Variants in WNK2 observed in about 807,000 individuals in gnomAD.
WNK2 encodes WNK lysine deficient protein kinase 2.
Under a neutral mutation model 192.1 loss-of-function variants are expected in WNK2, and 67 were observed. The observed-to-expected ratio is 0.35, with a 90% CI of 0.29 to 0.43. WNK2 has a LOEUF of 0.43. Among genes scored for constraint, WNK2 ranks in the 20% least tolerant of loss-of-function variants. The pLI is 1.00. For synonymous variants in WNK2, 1,439 were observed against 1,393.9 expected (o/e 1.03, Z -0.72); for missense variants, 2,698 against 3,089.7 (o/e 0.87, Z 3.01).
intron 2 of WNK2, among the ~76,000 whole-genome samples, chr9:93,193,684 G>A: frequency 6.6e-6 from 1 of 152,226 alleles, no homozygotes. Flanking sequence ...AGGACTGAGT[G>A]GGGACGCTGG....
chr9:93,254,370 C>T (rs564541083), intron 9 of WNK2, among the ~76,000 whole-genome samples: 4 of 152,346 alleles, frequency 2.6e-5, no homozygotes, highest in Non-Finnish European at 5.9e-5. Flanking sequence ...TGCTGGTTGT[C>T]ACTCGCACAC....
intron 29 of WNK2, chr9:93,318,722 G>A (rs1164008988): frequency 1.4e-6 from 2 of 1,444,556 alleles, no homozygotes; most frequent in Middle Eastern, 2.6e-4. Flanking sequence ...CTGGCATGCA[G>A]ACCGCTCTCC....
At chr9:93,240,012 G>A in intron 7 of WNK2, 36 bp downstream of exon 7, 2 of 1,583,348 alleles carry the variant, frequency 1.3e-6, no homozygotes, top group Non-Finnish European at 1.7e-6. Flanking sequence ...GTGGGTGCAG[G>A]TGTTGGCAGC....
chr9:93,317,196 G>A (rs1854843594), intron 28 of WNK2: 1 of 457,404 alleles, frequency 2.2e-6, no homozygotes, highest in Admixed American at 3.7e-5. Flanking sequence ...TGGTGGCTGA[G>A]TAGAGGCATG....
intron 2 of WNK2, among the ~76,000 whole-genome samples, chr9:93,199,201 C>T (rs992314050): frequency 1.5e-4 from 23 of 152,160 alleles, no homozygotes; most frequent in African/African-American, 1.9e-4. Flanking sequence ...GGAAGATGAC[C>T]GATGCCTGGG....
intron 12 of WNK2, among the ~76,000 whole-genome samples, chr9:93,260,925 A>G (rs558857908): frequency 1.6e-4 from 24 of 152,316 alleles, no homozygotes; most frequent in Admixed American, 5.9e-4. Context: ...TTCTGGGCAC[A>G]GTTAGTGGCT....
At chr9:93,185,889 C>T (rs1829220578) in intron 2 of WNK2, among the ~76,000 whole-genome samples, 1 of 152,188 alleles carries the variant, frequency 6.6e-6, no homozygotes, top group African/African-American at 2.4e-5. Flanking sequence ...ACGCTGTGGG[C>T]GTAGAGAGGG....
intron 28 of WNK2, among the ~76,000 whole-genome samples, chr9:93,312,603 C>T (rs1214454041): frequency 6.6e-6 from 1 of 152,240 alleles, no homozygotes; most frequent in Middle Eastern, 3.4e-3. Flanking sequence ...TGGTCTCGAT[C>T]CCTTGACCTC....
chr9:93,256,383 GC>G lies in WNK2; in HGVS notation c.2124del (p.Val709CysfsTer67). On this transcript the variant is annotated frameshift_variant, in exon 10 of 30. Coordinates refer to ENST00000427277, the MANE Select transcript of WNK2 (RefSeq NM_006648.4). LOFTEE classifies it high-confidence loss of function. ...QHFPDPAMSF[A>X]PVLPPPSTPM... ...CTTCCCGGATCCGGCCATGAGCTTC[GC>G]CCCCGTGCTGCCGCCGCCCAGCACC... 4 of 1,564,238 alleles carry G rather than the reference GC, an allele frequency of 2.6e-6. No individual in the cohort carries two copies. Among genetic ancestry groups the G allele is most frequent in the Non-Finnish European group, 8.6e-7 (1 of 1,161,100 alleles).
chr9:93,215,960 C>T (rs1305424106), intron 2 of WNK2, among the ~76,000 whole-genome samples: 1 of 152,120 alleles, frequency 6.6e-6, no homozygotes, highest in South Asian at 2.1e-4. Context: ...TAGAGATTTA[C>T]TTTTTACCGC....
chr9:93,186,011 T>C (rs921365357), intron 2 of WNK2, among the ~76,000 whole-genome samples: 1 of 152,054 alleles, frequency 6.6e-6, no homozygotes, highest in African/African-American at 2.4e-5. Context: ...TGCAAAACAG[T>C]GTGGAGGCTT....
chr9:93,317,454 C>A, intron 28 of WNK2, 66 bp from the exon 29 acceptor site: 1 of 1,523,584 alleles, frequency 6.6e-7, no homozygotes, highest in Non-Finnish European at 9.0e-7. Context: ...ACCCTGGGGG[C>A]CACTAAGGGA....
At chr9:93,249,808 C>T (rs114328639) in intron 8 of WNK2, among the ~76,000 whole-genome samples, 2,845 of 149,126 alleles carry the variant, frequency 0.019, 87 homozygotes, top group African/African-American at 0.067. Context: ...ATTGCGGTTT[C>T]TTTAAAGTAG....
Position 93,263,964 on chromosome 9 carries a change from C to T in WNK2, c.3627C>T (p.His1209=), listed in dbSNP as rs970230525. 6.2e-7 allele frequency: 1 copy of T among 1,613,516 alleles called. No individual in the cohort carries two copies. The highest frequency in any genetic ancestry group is 2.2e-5 in the East Asian group (1 of 44,858). The change falls in exon 16 of 30, where the codon CAC becomes CAT. Residue 1209 remains histidine, a synonymous_variant. Transcript: ENST00000427277. ...TGGTGGAGTGCCAGCTGGAGACGCACAACCACAAGATGGTGACCTTCAAGT... is the reference window on the plus strand; with the variant it reads ...TGGTGGAGTGCCAGCTGGAGACGCATAACCACAAGATGGTGACCTTCAAGT... The part of the protein sequence containing the change: ...DKMVECQLET[H]NHKMVTFKFD...
Position 93,239,655 on chromosome 9 carries a change from C to T in WNK2, c.1323-102C>T. ...AGACATGAGGCCTGGCCTCAGGCTC[C>T]TGCAGGTGTGCCTGTCCTTGTCCTG... is the stretch of plus-strand genomic sequence containing the variant. On this transcript the variant is annotated intron_variant, in intron 6 of 29. Transcript: ENST00000427277. This position sits in a 1 kb window ranked among gnomAD's most constrained non-coding sequence, Gnocchi z 4.2. The T allele has an allele frequency of 9.7e-7, 1 of 1,028,706 alleles. No homozygotes were observed. The highest frequency in any genetic ancestry group is 1.4e-6 in the Non-Finnish European group (1 of 705,698). The allele number at this position is 1,028,706 out of a possible 1,614,324, so 63.7% of individuals were successfully genotyped here. A position where few individuals can be genotyped will look rare whatever the true frequency, so the allele number is the denominator to read the frequency against.
intron 8 of WNK2, among the ~76,000 whole-genome samples, chr9:93,248,485 G>A (rs1382623902): frequency 6.6e-6 from 1 of 152,144 alleles, no homozygotes; most frequent in Non-Finnish European, 1.5e-5. Context: ...CTGGCCCCTT[G>A]GGGGGAATGT....
intron 2 of WNK2, among the ~76,000 whole-genome samples, chr9:93,205,755 CT>C (rs919372112): frequency 9.2e-5 from 14 of 152,186 alleles, no homozygotes; most frequent in African/African-American, 3.1e-4. Context: ...AAGCTTCTCT[CT>C]GGGGGACGTG....
rs1843783167 is a variant in WNK2 at position 93,259,205 on chromosome 9, T to A, written c.2657T>A (p.Leu886Gln). 6.2e-7 allele frequency: 1 copy of A among 1,611,816 alleles called. No homozygotes were observed. Among genetic ancestry groups the A allele is most frequent in the South Asian group, 1.1e-5 (1 of 91,038 alleles). The change falls in exon 12 of 30, where the codon CTG becomes CAG. Residue 886 changes from leucine to glutamine, a missense_variant. This residue lies in a region of WNK2 where 893 missense variants were observed against 909.0 expected (regional missense o/e 0.98). Coordinates refer to ENST00000427277, the MANE Select transcript of WNK2 (RefSeq NM_006648.4). The surrounding 1 kb of genome is among the most constrained non-coding windows in gnomAD (Gnocchi z 4.8). ...CCAAATGCACCGGCCACTATCCCCC[T>A]GCTGGCCGTAGCCCCACCGGGCGTG... ...IVPNAPATIP[L>Q]LAVAPPGVAA...
At chr9:93,218,561 C>T (rs1397892954) in intron 2 of WNK2, among the ~76,000 whole-genome samples, 2 of 152,204 alleles carry the variant, frequency 1.3e-5, no homozygotes, top group Non-Finnish European at 2.9e-5. Flanking sequence ...CTTGTGTGCC[C>T]ACTGGGAGGG....
Sources: allele counts gnomAD v4.1 joint callset (sites outside exome capture counted in the v4.1 genomes callset), GRCh38; gene constraint gnomAD v4.1.1; regional missense constraint gnomAD v4.1.1; non-coding constraint Gnocchi (gnomAD v3.1); transcripts MANE v1.5; gene names NCBI Gene and HGNC (gene_info 2026-07-23, HGNC 2026-07-21).